The following SYTL5 variants were observed in gnomAD, a reference collection of about 807,000 sequenced individuals.
SYTL5 encodes synaptotagmin-like protein 5.
Under a neutral mutation model 55.9 loss-of-function variants are expected in SYTL5, and 34 were observed. The observed-to-expected ratio is 0.61, with a 90% confidence interval of 0.46 to 0.81. The LOEUF is 0.81. Among genes scored for constraint, SYTL5 ranks in the 30% least tolerant of loss-of-function variants. The pLI, the probability that SYTL5 is intolerant of heterozygous loss-of-function variation, is 0.00. For missense variants in SYTL5, 637 were observed against 546.7 expected (o/e 1.17, Z -1.65); for synonymous variants, 221 against 188.7 (o/e 1.17, Z -1.40).
chrX:37,986,068 A>G, the SYTL5 span, among the ~76,000 whole-genome samples: 1 of 112,150 alleles, frequency 8.9e-6, no homozygotes, highest in Non-Finnish European at 1.9e-5. Context: ...TGGAAAAAAC[A>G]TAGGAAAAAA....
chrX:38,100,589 G>A (rs766720483), intron 9 of SYTL5, among the ~76,000 whole-genome samples: 1 of 110,862 alleles, frequency 9.0e-6, no homozygotes, highest in Non-Finnish European at 1.9e-5. Context: ...AAATCATGAA[G>A]ACTGTAAACA....
chrX:37,911,865 C>T, the SYTL5 span, among the ~76,000 whole-genome samples: 1 of 111,771 alleles, frequency 8.9e-6, no homozygotes, highest in East Asian at 2.8e-4. Context: ...TTTCTATTTG[C>T]TTAATTTAAA....
At chrX:38,017,378 G>A (rs948022766) in intron 1 of SYTL5, among the ~76,000 whole-genome samples, 1 of 111,964 alleles carries the variant, frequency 8.9e-6, no homozygotes, top group African/African-American at 3.2e-5. Context: ...TGGATTTAGT[G>A]TGATACTTCT....
the SYTL5 span, among the ~76,000 whole-genome samples, chrX:37,939,938 C>G: frequency 1.8e-5 from 2 of 111,604 alleles, no homozygotes; most frequent in Non-Finnish European, 3.8e-5. Flanking sequence ...TCAAGCGATT[C>G]TCCTGCCTCA....
the SYTL5 span, among the ~76,000 whole-genome samples, chrX:37,959,345 G>A: frequency 1.3e-4 from 15 of 112,050 alleles, no homozygotes; most frequent in East Asian, 3.9e-3. Flanking sequence ...CATTGCGGCC[G>A]GCCCTGAGCA....
chrX:38,007,587 C>T (rs897899785), intron 1 of SYTL5, among the ~76,000 whole-genome samples: 2 of 111,166 alleles, frequency 1.8e-5, no homozygotes, highest in African/African-American at 3.3e-5. Flanking sequence ...TCAGTAGTAG[C>T]CTCCTTAAAA....
chrX:38,001,912 T>G (rs937455487), upstream of SYTL5, among the ~76,000 whole-genome samples: 1 of 111,044 alleles, frequency 9.0e-6, no homozygotes, highest in African/African-American at 3.3e-5. Flanking sequence ...ATGTGCACAA[T>G]GTGCAGGTTT....
At chrX:38,088,400 G>A (rs1936710441) in intron 6 of SYTL5, among the ~76,000 whole-genome samples, 1 of 111,901 alleles carries the variant, frequency 8.9e-6, no homozygotes, top group South Asian at 3.7e-4. Flanking sequence ...CATTAAGACA[G>A]TAACTGAGAG....
intron 6 of SYTL5, among the ~76,000 whole-genome samples, chrX:38,083,421 T>C (rs1318161270): frequency 1.8e-5 from 2 of 111,798 alleles, no homozygotes; most frequent in Non-Finnish European, 3.8e-5. Context: ...AGCTTTTGTT[T>C]TATTAAGTCA....
Position 38,044,775 on chromosome X carries a change from G to A in SYTL5, c.120-9438G>A, listed in dbSNP as rs73632441. Among the ~76,000 whole-genome samples, 1,015 of 111,259 alleles carry A rather than the reference G, an allele frequency of 9.1e-3. 12 individuals are homozygous for A. Among genetic ancestry groups the A allele is most frequent in the African/African-American group, 0.032 (979 of 30,670 alleles). On this transcript the variant is annotated intron_variant, in intron 2 of 16. Transcript: ENST00000297875. ...AGACTTTCTGATGTTTTTAATACTC[G>A]AGCAAGGTATTCTTTGGGTTTCAGA... is the stretch of plus-strand genomic sequence containing the variant.
chrX:37,973,363 A>G, the SYTL5 span, among the ~76,000 whole-genome samples: 12 of 111,625 alleles, frequency 1.1e-4, no homozygotes, highest in African/African-American at 3.9e-4. Context: ...TTATTGGAGT[A>G]GCGCACTCCA....
At chrX:38,065,538 A>T (rs1334842548) in intron 3 of SYTL5, among the ~76,000 whole-genome samples, 2 of 112,130 alleles carry the variant, frequency 1.8e-5, no homozygotes, top group Admixed American at 1.9e-4. Context: ...CATTGCTATT[A>T]AAAATCAACT....
At chrX:38,076,280 T>C (rs998190702) in intron 5 of SYTL5, among the ~76,000 whole-genome samples, 8 of 111,851 alleles carry the variant, frequency 7.2e-5, no homozygotes, top group African/African-American at 2.6e-4. Context: ...AGGGAATGCA[T>C]CTTCTTTCTC....
At chrX:37,900,250 C>T in the SYTL5 span, among the ~76,000 whole-genome samples, 1 of 112,183 alleles carries the variant, frequency 8.9e-6, no homozygotes, top group Non-Finnish European at 1.9e-5. Context: ...TCCTTAGTGC[C>T]TACCACAGGC....
chrX:37,933,527 G>A, the SYTL5 span, among the ~76,000 whole-genome samples: 9 of 111,992 alleles, frequency 8.0e-5, no homozygotes, highest in African/African-American at 2.6e-4. Context: ...TCTCAAAGCT[G>A]TCTTTATTTT....
chrX:37,929,443 T>C, the SYTL5 span, among the ~76,000 whole-genome samples: 1 of 112,580 alleles, frequency 8.9e-6, no homozygotes, highest in Admixed American at 9.4e-5. Flanking sequence ...AATTACCCTC[T>C]GTTTACCACA....
chrX:37,977,348 A>G, the SYTL5 span, among the ~76,000 whole-genome samples: 1 of 110,988 alleles, frequency 9.0e-6, no homozygotes, highest in African/African-American at 3.3e-5. Context: ...GTAGACATCA[A>G]GGAGAAAGAA....
At chrX:37,913,168 G>C in the SYTL5 span, among the ~76,000 whole-genome samples, 3 of 111,972 alleles carry the variant, frequency 2.7e-5, no homozygotes, top group South Asian at 3.7e-4. Context: ...AAAGATGCTG[G>C]AACAGAAAGG....
the SYTL5 span, among the ~76,000 whole-genome samples, chrX:37,894,983 G>A: frequency 1.8e-5 from 2 of 111,284 alleles, no homozygotes; most frequent in Non-Finnish European, 3.8e-5. Context: ...AGCTTGCAAA[G>A]GGCAGATCAT....
Sources: gnomAD v4.1 joint callset for allele counts (sites outside exome capture counted in the v4.1 genomes callset) on GRCh38, gnomAD v4.1.1 for gene constraint, MANE v1.5 for transcripts, NCBI Gene and HGNC (gene_info 2026-07-23, HGNC 2026-07-21) for gene names.